The following CHD1L variants were observed in gnomAD, a reference collection of about 807,000 sequenced individuals.
The protein encoded by CHD1L is chromodomain helicase DNA binding protein 1 like, also known as ATP-dependent chromatin remodeler CHD1L.
In CHD1L, 118 loss-of-function variants were observed where a neutral mutation model predicts 115.9. That is an observed-to-expected ratio of 1.02 (90% CI 0.88 to 1.19). The LOEUF is 1.19. Ranked by LOEUF, CHD1L falls within the 50% of genes most tolerant of loss-of-function variation. The pLI is 0.00. For synonymous variants in CHD1L, 411 were observed against 387.1 expected, an observed-to-expected ratio of 1.06 and a Z score of -0.72; for missense variants, 1,179 against 1,065.3, an observed-to-expected ratio of 1.11 and a Z score of -1.49.
At chr1:147,273,944 TG>T in intron 12 of CHD1L, among the ~76,000 whole-genome samples, 1 of 152,350 alleles carries the variant, frequency 6.6e-6, no homozygotes, top group East Asian at 1.9e-4. Context: ...TTCCTATTCA[TG>T]GATGTGGGTG....
the CHD1L span, among the ~76,000 whole-genome samples, chr1:147,176,910 TTAGCTTAATA>T: frequency 6.6e-6 from 1 of 152,102 alleles, no homozygotes; most frequent in Non-Finnish European, 1.5e-5. Context: ...TATGAAATGT[TTAGCTTAATA>T]TAGATACAGA....
chr1:147,254,484 G>C (rs147552134), intron 2 of CHD1L, among the ~76,000 whole-genome samples: 2 of 152,160 alleles, frequency 1.3e-5, no homozygotes, highest in Non-Finnish European at 2.9e-5. Context: ...GCGATTGGCC[G>C]TTTTTACAGT....
chr1:147,205,761 T>A, the CHD1L span, among the ~76,000 whole-genome samples: 1 of 152,092 alleles, frequency 6.6e-6, no homozygotes, highest in Admixed American at 6.5e-5. Context: ...ATACAAAAAT[T>A]AATTCAAAAT....
intron 6 of CHD1L, 46 bp from the exon 7 acceptor site, chr1:147,264,376 A>G (rs150672555): frequency 6.6e-7 from 1 of 1,506,806 alleles, no homozygotes; most frequent in Non-Finnish European, 8.9e-7. Context: ...TCAGCCTTGC[A>G]TTCCAGTGTT....
the CHD1L span, among the ~76,000 whole-genome samples, chr1:147,206,684 G>T: frequency 6.6e-6 from 1 of 152,078 alleles, no homozygotes; most frequent in African/African-American, 2.4e-5. Flanking sequence ...AACACTGCAT[G>T]TTCTCACTCA....
chr1:147,247,603 C>T (rs782351564), intron 1 of CHD1L, among the ~76,000 whole-genome samples: 2 of 152,118 alleles, frequency 1.3e-5, no homozygotes, highest in Non-Finnish European at 2.9e-5. Flanking sequence ...GCCAAATAAA[C>T]CTCTTTTTAT....
chr1:147,200,477 A>C, the CHD1L span, among the ~76,000 whole-genome samples: 1 of 152,172 alleles, frequency 6.6e-6, no homozygotes, highest in Non-Finnish European at 1.5e-5. Context: ...TGGTCTGGCC[A>C]GTTTAGAGAA....
chr1:147,266,479 A>G (rs1053643934), intron 8 of CHD1L, among the ~76,000 whole-genome samples: 2 of 152,232 alleles, frequency 1.3e-5, no homozygotes, highest in Non-Finnish European at 2.9e-5. Context: ...GATTCCAAAA[A>G]TAATTCATAA....
chr1:147,233,759 C>A, the CHD1L span, among the ~76,000 whole-genome samples: 1 of 151,866 alleles, frequency 6.6e-6, no homozygotes, highest in Non-Finnish European at 1.5e-5. Context: ...AAGAAAAATT[C>A]TTCTGCCTTG....
the CHD1L span, chr1:147,215,525 T>A: frequency 4.1e-6 from 2 of 487,362 alleles, no homozygotes; most frequent in Non-Finnish European, 7.2e-6. Flanking sequence ...ATGAAAACAC[T>A]CTGCCAGCTG....
chr1:147,201,013 A>C, the CHD1L span: 14 of 671,586 alleles, frequency 2.1e-5, no homozygotes, highest in South Asian at 2.7e-4. Context: ...TTCACTCAAA[A>C]ATATATTTTT....
At chr1:147,270,117 G>C in intron 10 of CHD1L, among the ~76,000 whole-genome samples, 1 of 152,220 alleles carries the variant, frequency 6.6e-6, no homozygotes, top group African/African-American at 2.4e-5. Flanking sequence ...TACCCATTTG[G>C]GGCTTGAATC....
At chr1:147,179,979 C>T in the CHD1L span, among the ~76,000 whole-genome samples, 1 of 146,252 alleles carries the variant, frequency 6.8e-6, no homozygotes, top group East Asian at 2.0e-4. Flanking sequence ...GAATGCGGTC[C>T]ATGGTTTACT....
Position 147,268,796 on chromosome 1 carries a change from C to T in CHD1L, c.1003C>T (p.Pro335Ser). 6.2e-7 allele frequency: 1 copy of T among 1,613,278 alleles called. No homozygotes were observed. The highest frequency in any genetic ancestry group is 1.1e-5 in the South Asian group (1 of 91,036). The change falls in exon 10 of 23, where the codon CCT becomes TCT. Residue 335 changes from proline (P) to serine (S), a missense_variant. Coordinates refer to ENST00000369258, the MANE Select transcript of CHD1L (RefSeq NM_004284.6). ...TTCTTTTCTAGGTGTGGAGCCGGAGCCTTTTGAAGTTGGAGACCACCTGAC... is the reference window on the plus strand; with the variant it reads ...TTCTTTTCTAGGTGTGGAGCCGGAGTCTTTTGAAGTTGGAGACCACCTGAC... ...PYLFDGVEPE[P>S]FEVGDHLTEA...
At chr1:147,242,250 T>G (rs1293427567), upstream of CHD1L, among the ~76,000 whole-genome samples, 2 of 152,134 alleles carry the variant, frequency 1.3e-5, no homozygotes, top group African/African-American at 4.8e-5. Flanking sequence ...CTAAATCAAT[T>G]TATCACTAGG....
rs587773830 is a variant in CHD1L, at chr1:147,276,226, C to A, written c.1508C>A (p.Ala503Asp). 4.3e-6 allele frequency: 7 copies of A among 1,614,124 alleles called. No individual in the cohort carries two copies. The African/African-American group carries it at 9.3e-5, about 22-fold the overall frequency. The change falls in exon 14 of 23, where the codon GCC becomes GAC. Residue 503 changes from alanine (A) to aspartate (D), a missense_variant. Ala to Asp is a moderately radical substitution (Grantham distance 126). Coordinates refer to ENST00000369258, the MANE Select transcript of CHD1L (RefSeq NM_004284.6). ...GAAGGAGGCCATTTTACTCTGGGAG[C>A]CCAGAAACCCGCTGCCGATGCTGAC... The part of the protein sequence containing the change: ...IIEGGHFTLG[A>D]QKPAADADLQ...
intron 5 of CHD1L, 82 bp from the exon 6 acceptor site, chr1:147,259,755 T>A (rs587709164): frequency 1.7e-5 from 20 of 1,187,328 alleles, no homozygotes; most frequent in Non-Finnish European, 2.1e-5. Flanking sequence ...TTAATAACAG[T>A]CACAGTTTTG....
chr1:147,295,473 GTCT>G lies in CHD1L; in HGVS notation c.2661_2663del (p.Ser892del). The G allele has an allele frequency of 6.8e-6, 11 of 1,611,532 alleles. No individual in the cohort carries two copies. The highest frequency in any genetic ancestry group is 9.3e-6 in the Non-Finnish European group (11 of 1,178,710). The stretch of plus-strand genomic sequence containing the variant: ...GCAAGTCTGCTGTCCTTCATTCACA[GTCT>G]TCATCTTCCTCCTCAAGACAGCTGG... On this transcript the variant is annotated inframe_deletion, in exon 23 of 23. Transcript: ENST00000369258.
the CHD1L span, among the ~76,000 whole-genome samples, chr1:147,228,910 C>G: frequency 1.3e-5 from 2 of 152,070 alleles, no homozygotes; most frequent in Non-Finnish European, 2.9e-5. Context: ...TGGATATTAG[C>G]CCTTTGTCAG....
Sources: allele counts gnomAD v4.1 joint callset (sites outside exome capture counted in the v4.1 genomes callset), GRCh38; gene constraint gnomAD v4.1.1; transcripts MANE v1.5; gene names NCBI Gene and HGNC (gene_info 2026-07-23, HGNC 2026-07-21).